Variants in BMPER observed in about 807,000 individuals in gnomAD.
The protein encoded by BMPER is BMP binding endothelial regulator.
Under a neutral mutation model 87.3 loss-of-function variants are expected in BMPER, and 45 were observed. The ratio of observed to expected loss-of-function variants is 0.52; its 90% CI spans 0.41 to 0.66. The LOEUF (loss-of-function observed/expected upper bound fraction) is 0.66, where lower values mean the gene tolerates loss of function less well. Among genes scored for constraint, BMPER ranks in the 30% least tolerant of loss-of-function variants. BMPER has a pLI of 0.00. For synonymous variants in BMPER, 326 were observed against 316.2 expected, an observed-to-expected ratio of 1.03 and a Z score of -0.33; for missense variants, 784 against 867.5, an observed-to-expected ratio of 0.90 and a Z score of 1.21.
chr7:34,001,074 A>G (rs1382791583), intron 6 of BMPER, among the ~76,000 whole-genome samples: 3 of 151,638 alleles, frequency 2.0e-5, no homozygotes, highest in South Asian at 2.1e-4. Flanking sequence ...GTTGTACTCA[A>G]TTTGCTAGTA....
At chr7:34,141,610 C>CAAAAAAAAAAAAAAAAAAAA (rs70997567) in intron 13 of BMPER, among the ~76,000 whole-genome samples, 1 of 55,026 alleles carries the variant, frequency 1.8e-5, no homozygotes, top group Non-Finnish European at 3.3e-5. Context: ...AACACCATCT[C>CAAAAAAAAAAAAAAAAAAAA]AAAAAAAAAA....
chr7:33,915,704 A>G (rs1189492097), intron 2 of BMPER, among the ~76,000 whole-genome samples: 1 of 152,212 alleles, frequency 6.6e-6, no homozygotes, highest in Non-Finnish European at 1.5e-5. Context: ...AATGGGTTAA[A>G]GGCCAAGATG....
At chr7:34,100,559 G>A (rs1385707067) in intron 13 of BMPER, among the ~76,000 whole-genome samples, 1 of 152,166 alleles carries the variant, frequency 6.6e-6, no homozygotes, top group African/African-American at 2.4e-5. Context: ...TACTCTTCCA[G>A]CATAATAAGA....
intron 3 of BMPER, among the ~76,000 whole-genome samples, chr7:33,941,916 A>T (rs1478153037): frequency 3.3e-5 from 5 of 152,184 alleles, no homozygotes; most frequent in Non-Finnish European, 5.9e-5. Flanking sequence ...TGGTATCTGC[A>T]TTCAGAGGTA....
intron 13 of BMPER, among the ~76,000 whole-genome samples, chr7:34,117,073 A>G (rs1454474221): frequency 6.6e-6 from 1 of 152,172 alleles, no homozygotes; most frequent in Non-Finnish European, 1.5e-5. Flanking sequence ...ATTGGTACAT[A>G]GACAATAACA....
At chr7:34,131,308 G>A (rs1790582217) in intron 13 of BMPER, among the ~76,000 whole-genome samples, 1 of 152,256 alleles carries the variant, frequency 6.6e-6, no homozygotes, top group Non-Finnish European at 1.5e-5. Flanking sequence ...GCTGCAAAGG[G>A]CATTGAGTGT....
intron 13 of BMPER, among the ~76,000 whole-genome samples, chr7:34,090,310 C>G (rs888482687): frequency 1.2e-4 from 19 of 152,308 alleles, no homozygotes; most frequent in Middle Eastern, 6.8e-3. Context: ...TATTTGGATT[C>G]AAATGTAGGC....
intron 12 of BMPER, among the ~76,000 whole-genome samples, chr7:34,083,499 A>G (rs1789109478): frequency 6.6e-6 from 1 of 152,204 alleles, no homozygotes; most frequent in Non-Finnish European, 1.5e-5. Context: ...TATTTCTTCC[A>G]TTGACCATAC....
At chr7:33,919,508 C>G (rs925166933) in intron 2 of BMPER, among the ~76,000 whole-genome samples, 2 of 152,092 alleles carry the variant, frequency 1.3e-5, no homozygotes, top group African/African-American at 4.8e-5. Flanking sequence ...TCCTCAAGAC[C>G]CCTCTGAGGG....
At chr7:33,947,379 C>T (rs77040394) in intron 3 of BMPER, among the ~76,000 whole-genome samples, 4,018 of 152,202 alleles carry the variant, frequency 0.026, 96 homozygotes, top group African/African-American at 0.065. Flanking sequence ...TATTAATTGT[C>T]CACAAGAGTT....
At chr7:34,058,270 C>A in intron 10 of BMPER, 107 bp downstream of exon 10, 1 of 1,034,942 alleles carries the variant, frequency 9.7e-7, no homozygotes, top group South Asian at 1.4e-5. Context: ...TCCCCCAAAG[C>A]CTCTACATTC....
intron 13 of BMPER, among the ~76,000 whole-genome samples, chr7:34,119,014 T>TCTCTCACACACA (rs66493349): frequency 2.2e-5 from 3 of 135,712 alleles, no homozygotes; most frequent in African/African-American, 7.9e-5. Flanking sequence ...TCTCTCTCTC[T>TCTCTCACACACA]CACACACACA....
At chr7:34,029,969 G>T (rs772877410) in intron 6 of BMPER, among the ~76,000 whole-genome samples, 2 of 151,994 alleles carry the variant, frequency 1.3e-5, no homozygotes, top group Non-Finnish European at 2.9e-5. Flanking sequence ...ATTGGAAAAG[G>T]GTCATGTTGA....
chr7:33,987,723 G>C (rs1786049979), intron 6 of BMPER, among the ~76,000 whole-genome samples: 1 of 151,906 alleles, frequency 6.6e-6, no homozygotes, highest in Non-Finnish European at 1.5e-5. Context: ...GTGATACACA[G>C]AGTCAGACAA....
intron 6 of BMPER, among the ~76,000 whole-genome samples, chr7:34,037,202 AAAAC>A (rs1196072598): frequency 6.6e-6 from 1 of 152,162 alleles, no homozygotes; most frequent in African/African-American, 2.4e-5. Context: ...TTGTCTCTTA[AAAAC>A]AAACAAACAA....
rs3083769 is a variant in BMPER at position 34,061,950 on chromosome 7, G to GT, written c.1033-37dup. 0.2 allele frequency: 225,408 copies of GT among 1,101,170 alleles called. 971 individuals carry two copies. Among genetic ancestry groups the GT allele is most frequent in the South Asian group, 0.24 (15,192 of 62,920 alleles). 68.2% of individuals were successfully genotyped at this position (1,101,170 alleles called of 1,614,324 possible). A position where few individuals can be genotyped will look rare whatever the true frequency, so the allele number is the denominator to read the frequency against. ...AAGATATTTGTCCTCAGGAGACCCTGTTTTTTTTTTTTTTTAAACAGTAAC... is the reference window on the plus strand; with the variant it reads ...AAGATATTTGTCCTCAGGAGACCCTGTTTTTTTTTTTTTTTTAAACAGTAAC... On this transcript the variant is annotated intron_variant, in intron 10 of 14. Coordinates refer to ENST00000649409, the MANE Select transcript of BMPER (RefSeq NM_001365308.1).
chr7:33,972,202 C>T (rs531695203), intron 5 of BMPER, among the ~76,000 whole-genome samples: 9 of 152,232 alleles, frequency 5.9e-5, no homozygotes, highest in East Asian at 5.8e-4. Context: ...TACGCCCGGC[C>T]GACTATGGCT....
At chr7:34,095,548 A>C (rs1356659050) in intron 13 of BMPER, among the ~76,000 whole-genome samples, 1 of 152,214 alleles carries the variant, frequency 6.6e-6, no homozygotes, top group African/African-American at 2.4e-5. Context: ...GGATGGAGAA[A>C]ATAATGTTAG....
chr7:33,976,141 A>T (rs907930708), intron 6 of BMPER, among the ~76,000 whole-genome samples: 2 of 152,024 alleles, frequency 1.3e-5, no homozygotes, highest in Admixed American at 1.3e-4. Flanking sequence ...TTATGACTAA[A>T]TAGCTTTATT....
Sources: gnomAD v4.1 joint callset for allele counts (sites outside exome capture counted in the v4.1 genomes callset) on GRCh38, gnomAD v4.1.1 for gene constraint, MANE v1.5 for transcripts, NCBI Gene and HGNC (gene_info 2026-07-23, HGNC 2026-07-21) for gene names.